The following ABCC4 variants were observed in gnomAD, a reference collection of about 807,000 sequenced individuals.
The protein encoded by ABCC4 is ATP-binding cassette sub-family C member 4.
Under a neutral mutation model 168.5 loss-of-function variants are expected in ABCC4, and 102 were observed. The ratio of observed to expected loss-of-function variants is 0.61; its 90% CI spans 0.52 to 0.71. The LOEUF (loss-of-function observed/expected upper bound fraction) is 0.71, where lower values mean the gene tolerates loss of function less well. Among genes scored for constraint, ABCC4 ranks in the 30% least tolerant of loss-of-function variants. The pLI is 0.00. For synonymous variants in ABCC4, 617 were observed against 590.7 expected (o/e 1.04, Z -0.65); for missense variants, 1,402 against 1,605.8 (o/e 0.87, Z 2.17).
intron 20 of ABCC4, among the ~76,000 whole-genome samples, chr13:95,107,464 T>G (rs896245766): frequency 1.3e-5 from 2 of 152,240 alleles, no homozygotes; most frequent in African/African-American, 4.8e-5. Context: ...ATTAGTACAA[T>G]GTACAATCAC....
intron 4 of ABCC4, among the ~76,000 whole-genome samples, chr13:95,227,001 T>C (rs182255609): frequency 6.6e-6 from 1 of 152,316 alleles, no homozygotes; most frequent in Admixed American, 6.5e-5. Context: ...TAAATCAGAA[T>C]GTTTAGGGGA....
intron 19 of ABCC4, chr13:95,148,771 A>G (rs1362991944): frequency 6.6e-6 from 1 of 152,198 alleles, no homozygotes; most frequent in Non-Finnish European, 1.5e-5. Flanking sequence ...TATTAGAAAA[A>G]AAATACCCCA....
intron 29 of ABCC4, among the ~76,000 whole-genome samples, chr13:95,038,905 T>C (rs2032242117): frequency 6.6e-6 from 1 of 152,112 alleles, no homozygotes; most frequent in South Asian, 2.1e-4. Context: ...GGCTATAGCC[T>C]TGGAGGACCA....
intron 3 of ABCC4, among the ~76,000 whole-genome samples, chr13:95,237,650 C>T (rs546241057): frequency 6.6e-6 from 1 of 152,284 alleles, no homozygotes; most frequent in South Asian, 2.1e-4. Flanking sequence ...AGCCTCCTGA[C>T]ATTCGAGCCC....
At chr13:95,186,631 C>G in intron 11 of ABCC4, 70 bp downstream of exon 11, 1 of 1,426,860 alleles carries the variant, frequency 7.0e-7, no homozygotes, top group South Asian at 1.4e-5. Flanking sequence ...AGTTAATAAA[C>G]CTTGTTGTTC....
chr13:95,127,331 G>A (rs2035815344), intron 19 of ABCC4, among the ~76,000 whole-genome samples: 1 of 152,092 alleles, frequency 6.6e-6, no homozygotes, highest in African/African-American at 2.4e-5. Context: ...TGTTGCCCAG[G>A]CTGGAGTGCA....
chr13:95,123,949 A>G (rs1050253227), intron 19 of ABCC4, among the ~76,000 whole-genome samples: 1 of 152,204 alleles, frequency 6.6e-6, no homozygotes, highest in Non-Finnish European at 1.5e-5. Flanking sequence ...GACTTTGATC[A>G]GGTGGAAGGA....
Position 95,247,758 on chromosome 13 carries a change from TAAC to T in ABCC4, c.75-8_75-6del, listed in dbSNP as rs1165296436. ...TTAAACAAGGGATTGAGCCACCTGT[TAAC>T]AAGAGAAAAGAGACATATATCCAGA... On this transcript the variant is annotated splice_polypyrimidine_tract_variant and splice_region_variant and intron_variant, in intron 1 of 30. Coordinates refer to ENST00000645237, the MANE Select transcript of ABCC4 (RefSeq NM_005845.5). The T allele has an allele frequency of 1.2e-6, 2 of 1,605,910 alleles. No homozygotes were observed. Among genetic ancestry groups the T allele is most frequent in the Non-Finnish European group, 1.7e-6 (2 of 1,172,828 alleles).
chr13:95,194,893 C>T lies in ABCC4; in HGVS notation c.1206G>A (p.Leu402=), dbSNP rs532109507. ...LDEISQRNRQ[L]PSDGKKMVHV... is the part of the protein sequence containing the mutation. ...GCACCATCTTTTTACCATCTGACGGCAGCTGACGGTTGCGCTGTGATATCT... is the reference window on the plus strand; with the variant it reads ...GCACCATCTTTTTACCATCTGACGGTAGCTGACGGTTGCGCTGTGATATCT... Residue 402 remains leucine, a synonymous_variant, in exon 9 of 31, where the codon CTG becomes CTA. Coordinates refer to ENST00000645237, the MANE Select transcript of ABCC4 (RefSeq NM_005845.5). 2 of 1,614,122 alleles carry T rather than the reference C, an allele frequency of 1.2e-6. No individual in the cohort carries two copies. Among genetic ancestry groups the T allele is most frequent in the East Asian group, 2.2e-5 (1 of 44,876 alleles).
chr13:95,198,508 TG>T (rs2038526767), intron 8 of ABCC4, among the ~76,000 whole-genome samples: 1 of 152,178 alleles, frequency 6.6e-6, no homozygotes, highest in African/African-American at 2.4e-5. Flanking sequence ...ACATTGTTGG[TG>T]GGAGTGTAAA....
intron 1 of ABCC4, among the ~76,000 whole-genome samples, chr13:95,299,099 ATT>A (rs60744820): frequency 6.6e-6 from 1 of 151,100 alleles, no homozygotes; most frequent in Non-Finnish European, 1.5e-5. Context: ...TACAAAAAAA[ATT>A]TTTTTTTATT....
chr13:95,259,614 T>C (rs1015253464), intron 1 of ABCC4, among the ~76,000 whole-genome samples: 2 of 152,182 alleles, frequency 1.3e-5, no homozygotes, highest in African/African-American at 2.4e-5. Flanking sequence ...CAAAATCACA[T>C]GGATCAGAAC....
intron 14 of ABCC4, among the ~76,000 whole-genome samples, chr13:95,169,738 T>C (rs2037403122): frequency 6.6e-6 from 1 of 152,206 alleles, no homozygotes; most frequent in South Asian, 2.1e-4. Flanking sequence ...CTCTCACACA[T>C]ATCAGGCACT....
At chr13:95,059,477 C>T (rs1186682542) in intron 26 of ABCC4, among the ~76,000 whole-genome samples, 1 of 152,288 alleles carries the variant, frequency 6.6e-6, no homozygotes, top group East Asian at 1.9e-4. Context: ...GAACCAGTGT[C>T]GGCTGCCTGC....
intron 3 of ABCC4, among the ~76,000 whole-genome samples, chr13:95,245,448 C>T (rs990225684): frequency 6.6e-6 from 1 of 152,320 alleles, no homozygotes; most frequent in South Asian, 2.1e-4. Context: ...ACATTGACAC[C>T]GACTTGTCAT....
At chr13:95,270,194 T>C (rs1238406383) in intron 1 of ABCC4, among the ~76,000 whole-genome samples, 2 of 152,188 alleles carry the variant, frequency 1.3e-5, no homozygotes, top group African/African-American at 4.8e-5. Context: ...ATTGGTGTTA[T>C]CTGTAGTTGG....
chr13:95,182,658 G>C (rs1221469600), intron 11 of ABCC4, among the ~76,000 whole-genome samples: 2 of 152,088 alleles, frequency 1.3e-5, no homozygotes, highest in Non-Finnish European at 2.9e-5. Flanking sequence ...CCTCACAATA[G>C]CCTATGAGGT....
intron 1 of ABCC4, among the ~76,000 whole-genome samples, chr13:95,262,551 G>A (rs1156932137): frequency 2.0e-5 from 3 of 151,998 alleles, no homozygotes; most frequent in Admixed American, 6.6e-5. Context: ...AGTCCTTCAC[G>A]GACATGCACA....
chr13:95,214,858 C>G (rs1255793123), intron 4 of ABCC4, among the ~76,000 whole-genome samples: 6 of 120,448 alleles, frequency 5.0e-5, no homozygotes, highest in Non-Finnish European at 7.5e-5. Context: ...TCCACTCCAG[C>G]CTGGGTGATA....
Sources: allele counts gnomAD v4.1 joint callset (sites outside exome capture counted in the v4.1 genomes callset), GRCh38; gene constraint gnomAD v4.1.1; transcripts MANE v1.5; gene names NCBI Gene and HGNC (gene_info 2026-07-23, HGNC 2026-07-21).